FAM81B: variants seen among roughly 807,000 people sequenced by gnomAD.
FAM81B encodes protein FAM81B.
FAM81B carries 60 observed loss-of-function variants against 58.7 expected under a neutral mutation model. The ratio of observed to expected loss-of-function variants is 1.02; its 90% CI spans 0.83 to 1.27. FAM81B has a LOEUF of 1.27. FAM81B is among the 50% of genes most tolerant of loss of function. The pLI is 0.00. For missense variants in FAM81B, 491 were observed against 522.0 expected (o/e 0.94, Z 0.58); for synonymous variants, 189 against 179.6 (o/e 1.05, Z -0.42).
intron 5 of FAM81B, chr5:95,424,101 A>G: frequency 7.8e-7 from 1 of 1,289,842 alleles, no homozygotes; most frequent in Non-Finnish European, 1.0e-6. Flanking sequence ...GAAGTGCGAC[A>G]GGCTGAGGAA....
Position 95,448,563 on chromosome 5 carries a change from A to G in FAM81B, c.1225+99A>G, listed in dbSNP as rs1745674384. ...CTAATGGCCAGGGATCAATCTTGTC[A>G]TTAGTGACATCGTTATGTATTTATT... On this transcript the variant is annotated intron_variant, in intron 9 of 9. Coordinates refer to ENST00000283357, the MANE Select transcript of FAM81B (RefSeq NM_152548.3). 4 of 1,097,722 alleles carry G rather than the reference A, an allele frequency of 3.6e-6. No individual in the cohort carries two copies. The South Asian group carries it at 6.8e-5, about 19-fold the overall frequency. The allele number at this position is 1,097,722 out of a possible 1,614,324, so 68.0% of individuals were successfully genotyped here.
intron 7 of FAM81B, among the ~76,000 whole-genome samples, chr5:95,442,612 C>T (rs1049784744): frequency 1.4e-5 from 2 of 147,858 alleles, no homozygotes; most frequent in Admixed American, 1.3e-4. Flanking sequence ...GGAAAGACCA[C>T]ATTGACTTGG....
Position 95,446,670 on chromosome 5 carries a change from A to G in FAM81B, c.1002A>G (p.Glu334=), listed in dbSNP as rs764320676. The G allele has an allele frequency of 6.2e-7, 1 of 1,611,490 alleles. No individual in the cohort carries two copies. The highest frequency in any genetic ancestry group is 8.5e-7 in the Non-Finnish European group (1 of 1,179,404). The change falls in exon 8 of 10, where the codon GAA becomes GAG. Residue 334 remains glutamate (E), a synonymous_variant. Coordinates refer to ENST00000283357, the MANE Select transcript of FAM81B (RefSeq NM_152548.3). Reference sequence around the variant, plus strand: ...AAGACCACCTGGGCCATATAAATGAATGTCTGAAGGTCCTACAGGAGAAAC... The same window carrying G: ...AAGACCACCTGGGCCATATAAATGAGTGTCTGAAGGTCCTACAGGAGAAAC... The part of the protein sequence containing the change: ...YRKDHLGHIN[E]CLKVLQEKLE...
chr5:95,426,465 T>C (rs1762833223), intron 5 of FAM81B, among the ~76,000 whole-genome samples: 1 of 152,036 alleles, frequency 6.6e-6, no homozygotes, highest in Admixed American at 6.5e-5. Context: ...AGTAAATAAA[T>C]CATATCTGCT....
intron 2 of FAM81B, among the ~76,000 whole-genome samples, chr5:95,394,670 T>C (rs1038359936): frequency 6.6e-6 from 1 of 152,150 alleles, no homozygotes; most frequent in African/African-American, 2.4e-5. Flanking sequence ...ATTAGACCCA[T>C]TGCAGACCCC....
intron 6 of FAM81B, among the ~76,000 whole-genome samples, chr5:95,429,298 T>G (rs1744779697): frequency 6.6e-6 from 1 of 152,172 alleles, no homozygotes; most frequent in Non-Finnish European, 1.5e-5. Flanking sequence ...CTTCCTCTAG[T>G]TTGTGCTCTT....
chr5:95,433,449 T>C (rs1376144414), intron 6 of FAM81B, among the ~76,000 whole-genome samples: 1 of 152,184 alleles, frequency 6.6e-6, no homozygotes, highest in East Asian at 1.9e-4. Flanking sequence ...GTAGGGATTA[T>C]GGGAATTACA....
intron 7 of FAM81B, chr5:95,440,551 A>G: frequency 1.8e-6 from 1 of 568,378 alleles, no homozygotes; most frequent in Non-Finnish European, 3.3e-6. Context: ...GTTCTTAATG[A>G]AGCTGCTCAA....
Position 95,427,016 on chromosome 5 carries a change from T to C in FAM81B, c.657-1587T>C, listed in dbSNP as rs1161306405. Among the ~76,000 whole-genome samples, 4 of 151,960 alleles carry C rather than the reference T, an allele frequency of 2.6e-5. No homozygotes were observed. The South Asian group carries it at 6.2e-4, about 24-fold the overall frequency. On this transcript the variant is annotated intron_variant, in intron 5 of 9. Transcript: ENST00000283357. ...GTGAGCCGAGATTGTGCCACTGCAC[T>C]CCAGCCTGGGCGATAGAGCAAGACT... is the stretch of plus-strand genomic sequence containing the variant.
At chr5:95,413,827 T>C in intron 3 of FAM81B, 120 bp from the exon 4 acceptor site, 1 of 1,468,394 alleles carries the variant, frequency 6.8e-7, no homozygotes, top group Non-Finnish European at 9.0e-7. Context: ...CTTAAAATCC[T>C]ATCAAACTTC....
At chr5:95,417,681 TA>T (rs1304365714) in intron 4 of FAM81B, among the ~76,000 whole-genome samples, 1 of 152,192 alleles carries the variant, frequency 6.6e-6, no homozygotes, top group Non-Finnish European at 1.5e-5. Context: ...AGTTCTTTTC[TA>T]GGGGAAAAGA....
chr5:95,432,396 A>T (rs1056450456), intron 6 of FAM81B, among the ~76,000 whole-genome samples: 1 of 152,116 alleles, frequency 6.6e-6, no homozygotes, highest in African/African-American at 2.4e-5. Flanking sequence ...CTTCATAAAA[A>T]AATTTGAAAG....
rs1020468543 is a variant in FAM81B at position 95,440,507 on chromosome 5, A to T, written c.893+3601A>T. The T allele has an allele frequency of 1.4e-5, 8 of 588,954 alleles. No homozygotes were observed. In the Admixed American group the frequency reaches 1.7e-4, roughly 13 times the overall value. The allele number at this position is 588,954 out of a possible 1,614,324, so 36.5% of individuals were successfully genotyped here. On this transcript the variant is annotated intron_variant, in intron 7 of 9. Transcript: ENST00000283357. ...ACAGAGGGTTTGCCTGTTGCTTTAG[A>T]CAAAATATTATTGGTTTTGATGCAG...
chr5:95,436,862 G>A lies in FAM81B; in HGVS notation c.849G>A (p.Met283Ile). 6.2e-7 allele frequency: 1 copy of A among 1,613,954 alleles called. No homozygotes were observed. Among genetic ancestry groups the A allele is most frequent in the Non-Finnish European group, 8.5e-7 (1 of 1,179,890 alleles). ...CTGAGCAAACCTCGAATTTAAAGAT[G>A]GTCCAGGGGGATTATCGCCACGAAA... The part of the protein sequence containing the change: ...ASSEQTSNLK[M>I]VQGDYRHEMN... Residue 283 changes from methionine to isoleucine, a missense_variant, in exon 7 of 10, where the codon ATG becomes ATA. Coordinates refer to ENST00000283357, the MANE Select transcript of FAM81B (RefSeq NM_152548.3).
Position 95,448,373 on chromosome 5 carries a change from G to A in FAM81B, c.1134G>A (p.Lys378=). Residue 378 remains lysine (K), a synonymous_variant, in exon 9 of 10, where the codon AAG becomes AAA. Transcript: ENST00000283357. Reference sequence around the variant, plus strand: ...AGGAAACACAACTAAGTAAAGTAAAGCATATGGAAAATAAATTGTCCAAAA... The same window carrying A: ...AGGAAACACAACTAAGTAAAGTAAAACATATGGAAAATAAATTGTCCAAAA... ...QKQETQLSKV[K]HMENKLSKKM... The A allele has an allele frequency of 6.2e-7, 1 of 1,613,152 alleles. No homozygotes were observed. The highest frequency in any genetic ancestry group is 8.5e-7 in the Non-Finnish European group (1 of 1,179,712).
At chr5:95,413,158 T>A (rs1762447487) in intron 3 of FAM81B, among the ~76,000 whole-genome samples, 1 of 152,270 alleles carries the variant, frequency 6.6e-6, no homozygotes, top group Admixed American at 6.5e-5. Flanking sequence ...ACAGGGGACA[T>A]TTGTTATATT....
chr5:95,400,172 A>C (rs1762068581), intron 3 of FAM81B, among the ~76,000 whole-genome samples: 1 of 152,228 alleles, frequency 6.6e-6, no homozygotes, highest in African/African-American at 2.4e-5. Flanking sequence ...TTTAAACAAT[A>C]GAAATGTATT....
intron 7 of FAM81B, among the ~76,000 whole-genome samples, chr5:95,444,268 G>A (rs563051195): frequency 6.6e-5 from 10 of 152,332 alleles, no homozygotes; most frequent in Admixed American, 5.2e-4. Context: ...CATGAACAAT[G>A]CAAAATTCTT....
chr5:95,428,829 GA>G, intron 6 of FAM81B, 97 bp downstream of exon 6: 1 of 1,529,682 alleles, frequency 6.5e-7, no homozygotes, highest in Non-Finnish European at 8.9e-7. Flanking sequence ...AATTTTTTAA[GA>G]GAACTCTTTT....
Sources: gnomAD v4.1 joint callset for allele counts (sites outside exome capture counted in the v4.1 genomes callset) on GRCh38, gnomAD v4.1.1 for gene constraint, MANE v1.5 for transcripts, NCBI Gene and HGNC (gene_info 2026-07-23, HGNC 2026-07-21) for gene names.